MIPEP: variants seen among roughly 807,000 people sequenced by gnomAD.
MIPEP encodes mitochondrial intermediate peptidase.
Under a neutral mutation model 90.3 loss-of-function variants are expected in MIPEP, and 79 were observed. The ratio of observed to expected loss-of-function variants is 0.87; its 90% CI spans 0.73 to 1.05. The LOEUF is 1.05. Ranked by LOEUF, MIPEP falls within the 50% of genes least tolerant of loss-of-function variation. The probability of loss-of-function intolerance (pLI) is 0.00; values close to 1 mark genes in which losing one functional copy is unlikely to be tolerated. For missense variants in MIPEP, 940 were observed against 905.6 expected (o/e 1.04, Z -0.49); for synonymous variants, 334 against 315.8 (o/e 1.06, Z -0.61).
Position 23,837,702 on chromosome 13 carries a change from G to A in MIPEP, c.1393C>T (p.Leu465Phe). Residue 465 changes from leucine to phenylalanine, a missense_variant, in exon 13 of 19, where the codon CTC (leucine) becomes TTC (phenylalanine). Physicochemically the swap from Leu to Phe is conservative, Grantham distance 22 (BLOSUM62 0). Coordinates refer to ENST00000382172, the MANE Select transcript of MIPEP (RefSeq NM_005932.4). Reference sequence around the variant, plus strand: ...TTCAGCATAAGAACTACAACTGGGAGTTGATAGTCTCCATCTTCCTTTAGT... The same window carrying A: ...TTCAGCATAAGAACTACAACTGGGAATTGATAGTCTCCATCTTCCTTTAGT... Reference protein sequence around the residue: ...GRLKEDGDYQLPVVVLMLNLP... With the variant: ...GRLKEDGDYQFPVVVLMLNLP... 2.5e-6 allele frequency: 4 copies of A among 1,614,098 alleles called. No individual in the cohort carries two copies. Among genetic ancestry groups the A allele is most frequent in the African/African-American group, 1.3e-5 (1 of 75,070 alleles).
At chr13:23,744,760 A>C (rs1952366087) in intron 18 of MIPEP, among the ~76,000 whole-genome samples, 1 of 152,256 alleles carries the variant, frequency 6.6e-6, no homozygotes, top group Non-Finnish European at 1.5e-5. Context: ...GGCAATATAC[A>C]AGTAGCAGAA....
At chr13:23,814,859 A>G (rs1324772816) in intron 14 of MIPEP, among the ~76,000 whole-genome samples, 10 of 152,162 alleles carry the variant, frequency 6.6e-5, no homozygotes, top group Admixed American at 5.2e-4. Context: ...TCAAATTCCT[A>G]TGATTGCGCT....
At chr13:23,853,624 T>C (rs1593191999) in intron 10 of MIPEP, among the ~76,000 whole-genome samples, 1 of 151,934 alleles carries the variant, frequency 6.6e-6, no homozygotes, top group Admixed American at 6.6e-5. Context: ...GCAGTGTCAT[T>C]ATCTCTGCTT....
At chr13:23,884,032 A>C (rs1871368054) in intron 2 of MIPEP, among the ~76,000 whole-genome samples, 1 of 152,222 alleles carries the variant, frequency 6.6e-6, no homozygotes, top group Non-Finnish European at 1.5e-5. Context: ...AAAGGTGTTA[A>C]TGCTCAAATC....
intron 18 of MIPEP, among the ~76,000 whole-genome samples, chr13:23,755,360 T>C (rs1232971780): frequency 5.9e-5 from 9 of 152,240 alleles, no homozygotes; most frequent in Non-Finnish European, 2.9e-5. Flanking sequence ...GCACAAATAT[T>C]TGCTGAATAA....
rs972162429 is a variant in MIPEP at position 23,874,897 on chromosome 13, T to C, written c.552A>G (p.Glu184=). Residue 184 remains glutamate (E), a synonymous_variant, in exon 5 of 19, where the codon GAA becomes GAG. Transcript: ENST00000382172. ...TAATTTCAAAATCAAACATAAACAG[T>C]TCAGCCACTCGCCTATAAATGAAAT... ...SLDPETRRVA[E]LFMFDFEISG... is the part of the protein sequence containing the mutation. The C allele has an allele frequency of 6.9e-6, 11 of 1,600,876 alleles. No individual in the cohort carries two copies. The Admixed American group carries it at 8.8e-5, about 13-fold the overall frequency.
chr13:23,829,252 C>T (rs188852861), intron 14 of MIPEP, among the ~76,000 whole-genome samples: 2 of 152,100 alleles, frequency 1.3e-5, no homozygotes, highest in African/African-American at 4.8e-5. Context: ...TGGTGGCTCA[C>T]GCCTGTAATC....
intron 16 of MIPEP, among the ~76,000 whole-genome samples, chr13:23,792,871 G>A (rs1257687625): frequency 6.6e-6 from 1 of 152,176 alleles, no homozygotes; most frequent in Non-Finnish European, 1.5e-5. Context: ...GTATGAGTGG[G>A]TGTCATGAGA....
At chr13:23,753,223 C>CA (rs765963824) in intron 18 of MIPEP, among the ~76,000 whole-genome samples, 2,874 of 127,994 alleles carry the variant, frequency 0.022, 53 homozygotes, top group African/African-American at 0.04. Flanking sequence ...GACTCCATCT[C>CA]AAAAAAAAAA....
intron 10 of MIPEP, among the ~76,000 whole-genome samples, chr13:23,847,800 T>G (rs929889216): frequency 6.6e-6 from 1 of 152,214 alleles, no homozygotes; most frequent in South Asian, 2.1e-4. Flanking sequence ...ATGGTGATTG[T>G]GATAAAGTTA....
At chr13:23,823,810 A>G (rs1054383106) in intron 14 of MIPEP, among the ~76,000 whole-genome samples, 1 of 152,214 alleles carries the variant, frequency 6.6e-6, no homozygotes, top group Admixed American at 6.5e-5. Context: ...CCTGGGTGAC[A>G]GTGTGAGACC....
chr13:23,740,940 T>C (rs1393991200), intron 18 of MIPEP, among the ~76,000 whole-genome samples: 1 of 152,206 alleles, frequency 6.6e-6, no homozygotes, highest in African/African-American at 2.4e-5. Flanking sequence ...GGGAAGTTCA[T>C]GGACTGGGTG....
chr13:23,737,126 C>T (rs1048583944), intron 18 of MIPEP, among the ~76,000 whole-genome samples: 3 of 152,232 alleles, frequency 2.0e-5, no homozygotes, highest in South Asian at 2.1e-4. Flanking sequence ...CCAACTTACA[C>T]GGCTTCCGTT....
At chr13:23,821,497 A>C (rs553078123) in intron 14 of MIPEP, among the ~76,000 whole-genome samples, 1 of 152,322 alleles carries the variant, frequency 6.6e-6, no homozygotes, top group East Asian at 1.9e-4. Flanking sequence ...AGAGCAAGAA[A>C]AGCAGGTGAG....
intron 16 of MIPEP, among the ~76,000 whole-genome samples, chr13:23,766,891 T>G (rs1328185622): frequency 6.6e-6 from 1 of 152,230 alleles, no homozygotes; most frequent in Non-Finnish European, 1.5e-5. Context: ...GTTCCGGATG[T>G]CACTCCTGTG....
At chr13:23,888,686 G>T in intron 1 of MIPEP, 1 of 991,754 alleles carries the variant, frequency 1.0e-6, no homozygotes, top group Non-Finnish European at 1.2e-6. Context: ...ACCATTACTC[G>T]ACTGCAGGCA....
intron 16 of MIPEP, among the ~76,000 whole-genome samples, chr13:23,774,032 T>C (rs1281878846): frequency 2.0e-5 from 3 of 152,190 alleles, no homozygotes. Flanking sequence ...TAATCCTATG[T>C]TTTCTTCTAG....
chr13:23,887,741 C>T (rs779821094), intron 1 of MIPEP, among the ~76,000 whole-genome samples: 3 of 152,140 alleles, frequency 2.0e-5, no homozygotes, highest in African/African-American at 2.4e-5. Context: ...TTCAGAAATA[C>T]GAACAGGTAA....
chr13:23,857,559 G>A (rs1369834325), intron 10 of MIPEP, among the ~76,000 whole-genome samples: 1 of 152,108 alleles, frequency 6.6e-6, no homozygotes, highest in Non-Finnish European at 1.5e-5. Flanking sequence ...GACAAAGTGA[G>A]ACCCTGTCTC....
Sources: gnomAD v4.1 joint callset for allele counts (sites outside exome capture counted in the v4.1 genomes callset) on GRCh38, gnomAD v4.1.1 for gene constraint, MANE v1.5 for transcripts, NCBI Gene and HGNC (gene_info 2026-07-23, HGNC 2026-07-21) for gene names.